STXBP5L: variants seen among roughly 807,000 people sequenced by gnomAD.
The protein encoded by STXBP5L is syntaxin-binding protein 5-like.
In STXBP5L, 65 loss-of-function variants were observed where a neutral mutation model predicts 144.5. The ratio of observed to expected loss-of-function variants is 0.45; its 90% confidence interval spans 0.37 to 0.55. The LOEUF (loss-of-function observed/expected upper bound fraction) is 0.55, where lower values mean the gene tolerates loss of function less well. Among genes scored for constraint, STXBP5L ranks in the 20% least tolerant of loss-of-function variants. STXBP5L has a pLI of 0.00. For missense variants in STXBP5L, 1,298 were observed against 1,405.5 expected (o/e 0.92, Z 1.22); for synonymous variants, 505 against 469.6 (o/e 1.08, Z -0.97).
intron 3 of STXBP5L, among the ~76,000 whole-genome samples, chr3:120,981,692 T>A (rs1302370915): frequency 1.3e-5 from 2 of 152,244 alleles, no homozygotes; most frequent in Admixed American, 1.3e-4. Context: ...TCATTTTGAA[T>A]AAGATCCATT....
chr3:120,990,866 C>T lies in STXBP5L; in HGVS notation c.287+35829C>T, dbSNP rs902427519. ...AAAGACTTAAATGTTAGACCTAAAA[C>T]CATAAAAACCCTAGAAGAAAACCTA... is the stretch of plus-strand genomic sequence containing the variant. On this transcript the variant is annotated intron_variant, in intron 3 of 26. Coordinates refer to ENST00000471454, the MANE Select transcript of STXBP5L (RefSeq NM_001308330.2). Among the ~76,000 whole-genome samples the T allele has an allele frequency of 2.5e-3, 377 of 152,250 alleles. 2 individuals are homozygous for T. Among genetic ancestry groups the T allele is most frequent in the African/African-American group, 8.5e-3 (354 of 41,554 alleles).
Position 121,041,702 on chromosome 3 carries a change from T to A in STXBP5L, c.290T>A (p.Leu97His). Residue 97 changes from leucine to histidine, a missense_variant and splice_region_variant, in exon 4 of 27, where the codon CTC becomes CAC. Coordinates refer to ENST00000471454, the MANE Select transcript of STXBP5L (RefSeq NM_001308330.2). ...ATCCTTGACTTTTATTATATTAGAC[T>A]CGGGAGACCTGGTGTTGATTGCTAT... is the stretch of plus-strand genomic sequence containing the variant. ...IGTRTGAIRI[L>H]GRPGVDCYCQ... is the part of the protein sequence containing the mutation. 1 of 1,611,166 alleles carries A rather than the reference T, an allele frequency of 6.2e-7. No homozygotes were observed. Among genetic ancestry groups the A allele is most frequent in the Non-Finnish European group, 8.5e-7 (1 of 1,177,778 alleles).
At chr3:121,174,567 T>G (rs1050265842) in intron 9 of STXBP5L, among the ~76,000 whole-genome samples, 16 of 152,174 alleles carry the variant, frequency 1.1e-4, no homozygotes, top group African/African-American at 3.9e-4. Context: ...GACCTGAATC[T>G]TCGCTTGCTT....
chr3:121,168,475 C>G (rs1042303365), intron 9 of STXBP5L, among the ~76,000 whole-genome samples: 1 of 152,052 alleles, frequency 6.6e-6, no homozygotes, highest in Non-Finnish European at 1.5e-5. Context: ...ACTAGAATAA[C>G]CAGTTTAGAG....
At chr3:121,073,886 G>A (rs1241038689) in intron 5 of STXBP5L, among the ~76,000 whole-genome samples, 1 of 152,202 alleles carries the variant, frequency 6.6e-6, no homozygotes, top group Non-Finnish European at 1.5e-5. Context: ...AGCTCATGCT[G>A]CCCCTGAGAG....
At chr3:120,962,295 T>C (rs941381190) in intron 3 of STXBP5L, among the ~76,000 whole-genome samples, 1 of 152,242 alleles carries the variant, frequency 6.6e-6, no homozygotes, top group Non-Finnish European at 1.5e-5. Flanking sequence ...ATCCCATTTG[T>C]CAATTTTGGC....
At chr3:121,059,163 A>G (rs1054191944) in intron 5 of STXBP5L, among the ~76,000 whole-genome samples, 1 of 152,194 alleles carries the variant, frequency 6.6e-6, no homozygotes, top group African/African-American at 2.4e-5. Flanking sequence ...GGTGTAAGGA[A>G]GGGGTCCAGT....
At chr3:121,094,557 G>T (rs910979730) in intron 5 of STXBP5L, among the ~76,000 whole-genome samples, 5 of 151,814 alleles carry the variant, frequency 3.3e-5, no homozygotes, top group Admixed American at 3.3e-4. Flanking sequence ...GATCTTTGTT[G>T]GTTTAAAGTC....
intron 19 of STXBP5L, among the ~76,000 whole-genome samples, chr3:121,315,248 A>G (rs563807442): frequency 1.1e-4 from 16 of 150,808 alleles, no homozygotes; most frequent in Non-Finnish European, 1.8e-4. Flanking sequence ...ATGTCCATCA[A>G]TGATAGACTG....
In STXBP5L at chr3:121,055,935, C is replaced by T. The variant is rs541271304; in HGVS notation, c.470+10400C>T. On this transcript the variant is annotated intron_variant, in intron 5 of 26. Transcript: ENST00000471454. ...TTCAAATTCCTGGGCTCAAGCAATC[C>T]TCCCACCTTAGCCTCCCAAAGTGCT... is the stretch of plus-strand genomic sequence containing the variant. Among the ~76,000 whole-genome samples the T allele has an allele frequency of 2.6e-5, 4 of 151,794 alleles. No individual in the cohort carries two copies. In the East Asian group the frequency reaches 7.8e-4, roughly 29 times the overall value.
chr3:121,028,107 C>T (rs941680564), intron 3 of STXBP5L, among the ~76,000 whole-genome samples: 1 of 151,926 alleles, frequency 6.6e-6, no homozygotes, highest in African/African-American at 2.4e-5. Flanking sequence ...TTAATTAATA[C>T]AAGTATGTAT....
chr3:121,039,376 C>T (rs1270169105), intron 3 of STXBP5L, among the ~76,000 whole-genome samples: 1 of 148,636 alleles, frequency 6.7e-6, no homozygotes, highest in African/African-American at 2.5e-5. Context: ...GTTTCTATTT[C>T]CCCTCCTATT....
intron 19 of STXBP5L, among the ~76,000 whole-genome samples, chr3:121,293,786 G>A (rs936274735): frequency 9.2e-5 from 14 of 152,336 alleles, no homozygotes; most frequent in African/African-American, 2.9e-4. Context: ...ACTTGAACCC[G>A]GGAGGCGGAG....
intron 20 of STXBP5L, among the ~76,000 whole-genome samples, chr3:121,350,654 G>T (rs182273269): frequency 6.6e-6 from 1 of 151,990 alleles, no homozygotes; most frequent in Non-Finnish European, 1.5e-5. Flanking sequence ...GGCTTTGTTC[G>T]TTTCTTTTTA....
rs1484909684 is a variant in STXBP5L at position 121,423,477 on chromosome 3, C to T, written c.*4380C>T. Reference sequence around the variant, plus strand: ...AAGTACCAATTTGGTGCAAGAAGATCGTGGTGAGGAAGGACATGGGAGCCA... The same window carrying T: ...AAGTACCAATTTGGTGCAAGAAGATTGTGGTGAGGAAGGACATGGGAGCCA... On this transcript the variant is annotated 3_prime_UTR_variant, in exon 27 of 27. Coordinates refer to ENST00000471454, the MANE Select transcript of STXBP5L (RefSeq NM_001308330.2). The T allele has an allele frequency of 1.3e-5, 2 of 152,198 alleles. No homozygotes were observed. The highest frequency in any genetic ancestry group is 2.9e-5 in the Non-Finnish European group (2 of 68,064). 9.4% of individuals were successfully genotyped at this position (152,198 alleles called of 1,614,324 possible). A position where few individuals can be genotyped will look rare whatever the true frequency, so the allele number is the denominator to read the frequency against.
At chr3:121,069,970 G>GTCCC (rs1220516697) in intron 5 of STXBP5L, among the ~76,000 whole-genome samples, 1 of 152,050 alleles carries the variant, frequency 6.6e-6, no homozygotes, top group African/African-American at 2.4e-5. Flanking sequence ...CTTTTGCTGT[G>GTCCC]TCCCAGAGGT....
chr3:121,354,366 T>G (rs1490491872), intron 20 of STXBP5L, among the ~76,000 whole-genome samples: 1 of 152,174 alleles, frequency 6.6e-6, no homozygotes, highest in African/African-American at 2.4e-5. Flanking sequence ...TGGGTGCTCT[T>G]GTAGTGGGTG....
At chr3:120,994,808 G>A (rs1453707807) in intron 3 of STXBP5L, among the ~76,000 whole-genome samples, 1 of 151,876 alleles carries the variant, frequency 6.6e-6, no homozygotes, top group African/African-American at 2.4e-5. Context: ...TGAATTAGGG[G>A]GAATTTACTC....
chr3:121,187,164 A>G (rs2047419096), intron 9 of STXBP5L, among the ~76,000 whole-genome samples: 2 of 151,666 alleles, frequency 1.3e-5, no homozygotes, highest in Admixed American at 1.3e-4. Context: ...GGAACCAACT[A>G]TGATAGACTG....
Sources: allele counts gnomAD v4.1 joint callset (sites outside exome capture counted in the v4.1 genomes callset), GRCh38; gene constraint gnomAD v4.1.1; transcripts MANE v1.5; gene names NCBI Gene and HGNC (gene_info 2026-07-23, HGNC 2026-07-21).